Variants in SORCS1 observed in about 807,000 individuals in gnomAD.
SORCS1 encodes the protein sortilin related VPS10 domain containing receptor 1.
Under a neutral mutation model 146.1 loss-of-function variants are expected in SORCS1, and 60 were observed. The observed-to-expected ratio is 0.41, with a 90% CI of 0.33 to 0.51. SORCS1 has a LOEUF of 0.51. Among genes scored for constraint, SORCS1 ranks in the 20% least tolerant of loss-of-function variants. The pLI is 0.21. For synonymous variants in SORCS1, 637 were observed against 584.0 expected, an observed-to-expected ratio of 1.09 and a Z score of -1.31; for missense variants, 1,352 against 1,487.6, an observed-to-expected ratio of 0.91 and a Z score of 1.50.
intron 1 of SORCS1, among the ~76,000 whole-genome samples, chr10:106,999,091 C>T (rs1348273814): frequency 6.6e-6 from 1 of 152,142 alleles, no homozygotes; most frequent in Non-Finnish European, 1.5e-5. Flanking sequence ...TCCTAAAATG[C>T]CTTCCAAGAG....
intron 5 of SORCS1, among the ~76,000 whole-genome samples, chr10:106,737,570 C>T (rs3982436): frequency 0.78 from 118,382 of 151,880 alleles, 47,090 homozygotes; most frequent in Non-Finnish European, 0.87. Context: ...ACTAAAAATA[C>T]AAAAATTAGC....
At chr10:106,926,587 T>C (rs894016160) in intron 2 of SORCS1, among the ~76,000 whole-genome samples, 2 of 152,170 alleles carry the variant, frequency 1.3e-5, no homozygotes, top group Non-Finnish European at 2.9e-5. Flanking sequence ...ATTTTTATAG[T>C]TCAAATGTAG....
At chr10:107,008,205 T>C (rs1450220668) in intron 1 of SORCS1, among the ~76,000 whole-genome samples, 1 of 152,180 alleles carries the variant, frequency 6.6e-6, no homozygotes, top group Admixed American at 6.5e-5. Flanking sequence ...GAGTTGCCAG[T>C]ATTTTTCATA....
intron 5 of SORCS1, among the ~76,000 whole-genome samples, chr10:106,747,797 G>A (rs999722132): frequency 1.3e-5 from 2 of 152,064 alleles, no homozygotes; most frequent in African/African-American, 4.8e-5. Flanking sequence ...AAGAGGAGAG[G>A]ATATAGAATG....
At chr10:106,834,592 G>C (rs377460853) in intron 2 of SORCS1, among the ~76,000 whole-genome samples, 2 of 152,066 alleles carry the variant, frequency 1.3e-5, no homozygotes, top group African/African-American at 4.8e-5. Flanking sequence ...GTAAGAAAGA[G>C]GAACTATAAA....
At chr10:107,087,698 T>C (rs7073953) in intron 1 of SORCS1, among the ~76,000 whole-genome samples, 69,108 of 151,962 alleles carry the variant, frequency 0.45, 16,156 homozygotes, top group Middle Eastern at 0.64. Flanking sequence ...ATAGGGAAGG[T>C]CATGAGAAGT....
At chr10:106,870,464 A>G (rs1456774940) in intron 2 of SORCS1, among the ~76,000 whole-genome samples, 2 of 152,198 alleles carry the variant, frequency 1.3e-5, no homozygotes, top group African/African-American at 4.8e-5. Context: ...TAACCAAAAG[A>G]GTGTGGTACT....
chr10:107,039,255 G>T (rs1431243640), intron 1 of SORCS1, among the ~76,000 whole-genome samples: 4 of 150,576 alleles, frequency 2.7e-5, no homozygotes, highest in Non-Finnish European at 5.9e-5. Context: ...GTGAACCCGG[G>T]AGGAGGAGTT....
intron 1 of SORCS1, among the ~76,000 whole-genome samples, chr10:107,059,337 T>C (rs770856619): frequency 5.3e-5 from 8 of 152,222 alleles, no homozygotes; most frequent in Non-Finnish European, 1.2e-4. Context: ...GCTGAAACTG[T>C]GACATGATAT....
intron 5 of SORCS1, among the ~76,000 whole-genome samples, chr10:106,743,251 A>C (rs1857483808): frequency 6.6e-6 from 1 of 152,028 alleles, no homozygotes; most frequent in Admixed American, 6.6e-5. Context: ...GGCATTGGAG[A>C]CAGAATGAGG....
At chr10:106,924,766 T>TTGA (rs71025566) in intron 2 of SORCS1, among the ~76,000 whole-genome samples, 1 of 144,214 alleles carries the variant, frequency 6.9e-6, no homozygotes, top group Non-Finnish European at 1.5e-5. Flanking sequence ...CTGCATGGAT[T>TTGA]TTTTTTTTTT....
At chr10:106,896,583 T>C (rs1951488842) in intron 2 of SORCS1, among the ~76,000 whole-genome samples, 1 of 151,942 alleles carries the variant, frequency 6.6e-6, no homozygotes, top group African/African-American at 2.4e-5. Flanking sequence ...TGAATATATG[T>C]AACACTAGTG....
At chr10:106,935,091 A>G (rs1953644638) in intron 2 of SORCS1, among the ~76,000 whole-genome samples, 1 of 151,638 alleles carries the variant, frequency 6.6e-6, no homozygotes, top group African/African-American at 2.4e-5. Flanking sequence ...ACAAATAAAA[A>G]AAAGAAAAGA....
At chr10:107,013,578 T>C (rs1341807736) in intron 1 of SORCS1, among the ~76,000 whole-genome samples, 1 of 152,154 alleles carries the variant, frequency 6.6e-6, no homozygotes, top group East Asian at 1.9e-4. Context: ...GGGGCTGTCT[T>C]TGTATTTACA....
intron 1 of SORCS1, among the ~76,000 whole-genome samples, chr10:107,141,936 C>G (rs980718400): frequency 2.6e-5 from 4 of 152,232 alleles, no homozygotes; most frequent in African/African-American, 9.6e-5. Flanking sequence ...TTCTCCTAGA[C>G]TTGCAGTGCT....
Position 107,009,300 on chromosome 10 carries a change from T to C in SORCS1, c.559-52720A>G, listed in dbSNP as rs1457692255. The stretch of plus-strand genomic sequence containing the variant: ...GGCTGTTTTTGTGTGTTGCATGGAG[T>C]AGCACCATTTTCAATTACAGTTGCT... On this transcript the variant is annotated intron_variant, in intron 1 of 25. Coordinates refer to ENST00000263054, the MANE Select transcript of SORCS1 (RefSeq NM_052918.5). 2.6e-5 allele frequency among the ~76,000 whole-genome samples: 4 copies of C among 152,204 alleles called. No homozygotes were observed. The East Asian group carries it at 7.7e-4, about 29-fold the overall frequency.
At chr10:107,117,650 C>T (rs528818673) in intron 1 of SORCS1, among the ~76,000 whole-genome samples, 148 of 152,286 alleles carry the variant, frequency 9.7e-4, no homozygotes, top group African/African-American at 3.3e-3. Flanking sequence ...TTAATTCCTT[C>T]CCTTCTCAAG....
At chr10:106,580,338 T>C (rs1485571472) in intron 24 of SORCS1, among the ~76,000 whole-genome samples, 2 of 152,192 alleles carry the variant, frequency 1.3e-5, no homozygotes, top group South Asian at 4.1e-4. Flanking sequence ...CAGAAGCCTC[T>C]GCCTCCATGA....
chr10:106,793,253 G>A (rs2136540924), intron 3 of SORCS1, among the ~76,000 whole-genome samples: 1 of 152,276 alleles, frequency 6.6e-6, no homozygotes, highest in Non-Finnish European at 1.5e-5. Flanking sequence ...AGGAAGTAAA[G>A]GTGTTTAACA....
Sources: allele counts gnomAD v4.1 joint callset (sites outside exome capture counted in the v4.1 genomes callset), GRCh38; gene constraint gnomAD v4.1.1; transcripts MANE v1.5; gene names NCBI Gene and HGNC (gene_info 2026-07-23, HGNC 2026-07-21).